PAX5: variants seen among roughly 807,000 people sequenced by gnomAD.
PAX5 encodes paired box protein Pax-5.
PAX5 carries 9 observed loss-of-function variants against 43.7 expected under a neutral mutation model. That is an observed-to-expected ratio of 0.21 (90% CI 0.12 to 0.36). The LOEUF is 0.36. Ranked by LOEUF, PAX5 falls within the 10% of genes least tolerant of loss-of-function variation. PAX5 has a pLI of 1.00. For missense variants in PAX5, 383 were observed against 532.7 expected (o/e 0.72, Z 2.77); for synonymous variants, 228 against 214.3 (o/e 1.06, Z -0.56).
At chr9:36,864,866 G>A (rs775885257) in intron 8 of PAX5, among the ~76,000 whole-genome samples, 22 of 152,298 alleles carry the variant, frequency 1.4e-4, no homozygotes, top group Non-Finnish European at 2.5e-4. Flanking sequence ...TCACAGAGAC[G>A]AGGCCAGAGA....
At chr9:37,000,315 T>C (rs922773088) in intron 5 of PAX5, among the ~76,000 whole-genome samples, 1 of 151,972 alleles carries the variant, frequency 6.6e-6, no homozygotes, top group Non-Finnish European at 1.5e-5. Flanking sequence ...GTTGATTGGG[T>C]TTGTCCCCCA....
At chr9:36,979,477 A>G (rs921357197) in intron 5 of PAX5, among the ~76,000 whole-genome samples, 1 of 152,218 alleles carries the variant, frequency 6.6e-6, no homozygotes, top group African/African-American at 2.4e-5. Flanking sequence ...TCTGAAAAGG[A>G]TAACAGCGAC....
In PAX5 at chr9:36,833,798, A is replaced by G. The variant is rs908080985; in HGVS notation, c.*6762T>C. 7 of 232,614 alleles carry G rather than the reference A, an allele frequency of 3.0e-5. No homozygotes were observed. The highest frequency in any genetic ancestry group is 5.1e-5 in the Non-Finnish European group (6 of 117,916). 14.4% of individuals were successfully genotyped at this position (232,614 alleles called of 1,614,324 possible). On this transcript the variant is annotated 3_prime_UTR_variant, in exon 10 of 10. Transcript: ENST00000358127. ...GCATTTTTTTTTTTCAATCCGTTGG[A>G]GACAGATCATCTCCCACTTTCAAAG...
chr9:37,007,879 T>C (rs1231356686), intron 3 of PAX5: 1 of 152,180 alleles, frequency 6.6e-6, no homozygotes, highest in Non-Finnish European at 1.5e-5. Context: ...TTTTTTTTGT[T>C]GTGGTGGTTG....
chr9:36,920,271 T>C (rs1830063090), intron 7 of PAX5, among the ~76,000 whole-genome samples: 1 of 152,238 alleles, frequency 6.6e-6, no homozygotes, highest in Non-Finnish European at 1.5e-5. Context: ...AGAAATTCTA[T>C]GGTGGATAAA....
At chr9:36,854,694 G>T (rs1823488560) in intron 8 of PAX5, among the ~76,000 whole-genome samples, 1 of 152,154 alleles carries the variant, frequency 6.6e-6, no homozygotes, top group Non-Finnish European at 1.5e-5. Flanking sequence ...TCCCAACAGG[G>T]AGATGAAAAC....
At chr9:36,888,151 T>G (rs4268201) in intron 7 of PAX5, among the ~76,000 whole-genome samples, 118,240 of 152,150 alleles carry the variant, frequency 0.78, 46,887 homozygotes, top group Non-Finnish European at 0.86. Flanking sequence ...ATGGGGAAAA[T>G]CGGAACCCTC....
chr9:36,843,709 T>C (rs959302499), intron 9 of PAX5, among the ~76,000 whole-genome samples: 1 of 152,056 alleles, frequency 6.6e-6, no homozygotes, highest in Non-Finnish European at 1.5e-5. Flanking sequence ...AGGGCACAGG[T>C]GTGTTTCATG....
intron 8 of PAX5, among the ~76,000 whole-genome samples, chr9:36,847,189 G>A (rs984985664): frequency 2.0e-5 from 3 of 152,174 alleles, no homozygotes; most frequent in Non-Finnish European, 2.9e-5. Context: ...CTCCCATGTC[G>A]TTCTGTGGCC....
At chr9:36,848,495 C>T (rs1455840225) in intron 8 of PAX5, among the ~76,000 whole-genome samples, 1 of 152,122 alleles carries the variant, frequency 6.6e-6, no homozygotes. Context: ...TTCTGGCATG[C>T]AGAGGGAGAG....
At chr9:36,895,996 G>A (rs1563942299) in intron 7 of PAX5, among the ~76,000 whole-genome samples, 2 of 152,096 alleles carry the variant, frequency 1.3e-5, no homozygotes, top group South Asian at 4.1e-4. Context: ...TCCTCACTGT[G>A]CCCTCGGGCA....
chr9:36,859,476 C>T (rs1321728533), intron 8 of PAX5, among the ~76,000 whole-genome samples: 1 of 152,178 alleles, frequency 6.6e-6, no homozygotes, highest in Non-Finnish European at 1.5e-5. Flanking sequence ...CTCCCTCCCC[C>T]TGCCAGCCTC....
rs1839349049 is a variant in PAX5 at position 37,015,913 on chromosome 9, G to A, written c.213-719C>T. On this transcript the variant is annotated intron_variant, in intron 2 of 9. Coordinates refer to ENST00000358127, the MANE Select transcript of PAX5 (RefSeq NM_016734.3). The surrounding 1 kb of genome is among the most constrained non-coding windows in gnomAD (Gnocchi z 4.4). ...ATTGTATTTCTATTGGACAGCACTG[G>A]CTAAGCATTAACAAAATTCTTTCAC... is the stretch of plus-strand genomic sequence containing the variant. Among the ~76,000 whole-genome samples, 1 of 152,204 alleles carries A rather than the reference G, an allele frequency of 6.6e-6. No individual in the cohort carries two copies. Among genetic ancestry groups the A allele is most frequent in the African/African-American group, 2.4e-5 (1 of 41,454 alleles).
chr9:36,965,787 G>A (rs1834376894), intron 6 of PAX5, among the ~76,000 whole-genome samples: 1 of 152,188 alleles, frequency 6.6e-6, no homozygotes, highest in African/African-American at 2.4e-5. Flanking sequence ...TAGCCTGCAA[G>A]GTTACCTGTC....
chr9:36,969,328 A>C (rs1834728476), intron 5 of PAX5, among the ~76,000 whole-genome samples: 1 of 152,114 alleles, frequency 6.6e-6, no homozygotes, highest in African/African-American at 2.4e-5. Context: ...CAGCCAGGCC[A>C]TCCTCCCAGA....
chr9:37,012,608 C>G (rs575517348), intron 3 of PAX5, among the ~76,000 whole-genome samples: 38 of 152,374 alleles, frequency 2.5e-4, no homozygotes, highest in Admixed American at 1.2e-3. Context: ...CTTGACCACA[C>G]ATCCCATGCC....
At chr9:36,860,587 G>C (rs1164322721) in intron 8 of PAX5, among the ~76,000 whole-genome samples, 1 of 152,198 alleles carries the variant, frequency 6.6e-6, no homozygotes, top group Non-Finnish European at 1.5e-5. Flanking sequence ...TCTGCTCTCT[G>C]AGATGATCCC....
At chr9:37,006,374 G>A (rs1276394991) in intron 4 of PAX5, 99 bp downstream of exon 4, 5 of 897,842 alleles carry the variant, frequency 5.6e-6, no homozygotes, top group Non-Finnish European at 9.1e-6. Flanking sequence ...GTGCTGAAGT[G>A]TTTTATGCAG....
Position 36,834,413 on chromosome 9 carries a change from AGTGAGTGTGTGT to A in PAX5, c.*6135_*6146del, listed in dbSNP as rs1821494145. 2.8e-5 allele frequency: 5 copies of A among 179,886 alleles called. No individual in the cohort carries two copies. Among genetic ancestry groups the A allele is most frequent in the Admixed American group, 1.9e-4 (2 of 10,774 alleles). 11.1% of individuals were successfully genotyped at this position (179,886 alleles called of 1,614,324 possible). ...AGTATGTCTGAGGTGTAGGGGAGTGAGTGAGTGTGTGTGTGTGTGTGTGTGTGTGTGTGTGTG... is the reference window on the plus strand; with the variant it reads ...AGTATGTCTGAGGTGTAGGGGAGTGAGTGTGTGTGTGTGTGTGTGTGTGTG... On this transcript the variant is annotated 3_prime_UTR_variant, in exon 10 of 10. Coordinates refer to ENST00000358127, the MANE Select transcript of PAX5 (RefSeq NM_016734.3).
Sources: allele counts gnomAD v4.1 joint callset (sites outside exome capture counted in the v4.1 genomes callset), GRCh38; gene constraint gnomAD v4.1.1; non-coding constraint Gnocchi (gnomAD v3.1); transcripts MANE v1.5; gene names NCBI Gene and HGNC (gene_info 2026-07-23, HGNC 2026-07-21).